Variants in KLHDC3 observed in about 807,000 individuals in gnomAD.
KLHDC3 encodes kelch domain-containing protein 3.
A neutral mutation model predicts 44.1 loss-of-function variants in KLHDC3; 5 were observed. The observed-to-expected ratio is 0.11, with a 90% CI of 0.06 to 0.24. The LOEUF is 0.24. Ranked by LOEUF, KLHDC3 falls within the 10% of genes least tolerant of loss-of-function variation. The pLI is 1.00. For missense variants in KLHDC3, 247 were observed against 514.3 expected, an observed-to-expected ratio of 0.48 and a Z score of 5.03; for synonymous variants, 170 against 189.0, an observed-to-expected ratio of 0.90 and a Z score of 0.82.
At chr6:43,014,737 C>T (rs1762519558) in intron 1 of KLHDC3, 2 of 389,954 alleles carry the variant, frequency 5.1e-6, no homozygotes, top group Admixed American at 2.7e-5. Context: ...ATTTTTCTTT[C>T]CTTAGTGGAG....
In KLHDC3 at chr6:43,014,721, A is replaced by G. The variant is rs1762519240; in HGVS notation, c.-60+373A>G. ...CAGAGAGGGGTATCGTGGTCAGTGC[A>G]TGCTAATTTTTCTTTCCTTAGTGGA... On this transcript the variant is annotated intron_variant, in intron 1 of 10. Coordinates refer to ENST00000326974, the MANE Select transcript of KLHDC3 (RefSeq NM_057161.4). 18 of 412,148 alleles carry G rather than the reference A, an allele frequency of 4.4e-5. 1 individual carries two copies. The highest frequency in any genetic ancestry group is 2.9e-4 in the South Asian group (17 of 59,496). 25.5% of individuals were successfully genotyped at this position (412,148 alleles called of 1,614,324 possible).
rs374957399 is a variant in KLHDC3 at position 43,018,513 on chromosome 6, C to T, written c.690C>T (p.Pro230=). The change falls in exon 6 of 11, where the codon CCC becomes CCT. Residue 230 remains proline, a synonymous_variant. Transcript: ENST00000326974. The surrounding 1 kb of genome is among the most constrained non-coding windows in gnomAD (Gnocchi z 6.0). ...GAACTGAGGCTTGGCTGGACTGTCC[C>T]CCGACTCCAGTGCTGCCTGAGGGGC... is the stretch of plus-strand genomic sequence containing the variant. ...DTRTEAWLDC[P]PTPVLPEGRR... 2.5e-6 allele frequency: 4 copies of T among 1,614,148 alleles called. No individual in the cohort carries two copies. The South Asian group carries it at 3.3e-5, about 13-fold the overall frequency.
rs1581877622 is a variant in KLHDC3 at position 43,017,927 on chromosome 6, C to T, written c.406C>T (p.Leu136=). ...CCGGGATGGACATTCAGCCTGTGTC[C>T]TAGGCAAGATCATGTACATTTTTGG... is the stretch of plus-strand genomic sequence containing the variant. ...GARDGHSACV[L]GKIMYIFGGY... The change falls in exon 4 of 11, where the codon CTA becomes TTA. Residue 136 remains leucine (L), a synonymous_variant. Transcript: ENST00000326974. The surrounding 1 kb of genome is among the most constrained non-coding windows in gnomAD (Gnocchi z 6.0). 6.2e-7 allele frequency: 1 copy of T among 1,614,032 alleles called. No homozygotes were observed. Among genetic ancestry groups the T allele is most frequent in the Admixed American group, 1.7e-5 (1 of 60,012 alleles).
chr6:43,015,773 C>G (rs1289645933), intron 1 of KLHDC3, among the ~76,000 whole-genome samples: 1 of 148,796 alleles, frequency 6.7e-6, no homozygotes, highest in African/African-American at 2.5e-5. Context: ...TCGCTTGAAC[C>G]CGGGAGGGAG....
chr6:43,015,551 T>A (rs1272858152), intron 1 of KLHDC3, among the ~76,000 whole-genome samples: 2 of 151,982 alleles, frequency 1.3e-5, no homozygotes, highest in African/African-American at 4.8e-5. Flanking sequence ...ACAGGTTGTG[T>A]TTAAGAGACC....
rs1308742992 is a variant in KLHDC3, at chr6:43,018,740, G to A, written c.820+21G>A. ...TCCTGGTAAAGAGCACTGCATTTAG[G>A]GCAGGAACAAGGAGCAATTGAGGTG... On this transcript the variant is annotated intron_variant, in intron 7 of 10. Coordinates refer to ENST00000326974, the MANE Select transcript of KLHDC3 (RefSeq NM_057161.4). This position sits in a 1 kb window ranked among gnomAD's most constrained non-coding sequence, Gnocchi z 6.0. 6.2e-7 allele frequency: 1 copy of A among 1,607,648 alleles called. No individual in the cohort carries two copies.
Position 43,020,712 on chromosome 6 carries a change from C to G in KLHDC3, c.1128C>G (p.Pro376=). 1.2e-6 allele frequency: 2 copies of G among 1,613,954 alleles called. No homozygotes were observed. The highest frequency in any genetic ancestry group is 1.7e-6 in the Non-Finnish European group (2 of 1,179,904). ...CCACCAACAGCAATATCAGTCGCCC[C>G]ATCGTCTCCTCCCATGGGTAGGAGG... The part of the protein sequence containing the change: ...AMTTNSNISR[P]IVSSHG The change falls in exon 11 of 11, where the codon CCC becomes CCG. Residue 376 remains proline, a synonymous_variant. Coordinates refer to ENST00000326974, the MANE Select transcript of KLHDC3 (RefSeq NM_057161.4).
rs1762640505 is a variant in KLHDC3 at position 43,019,165 on chromosome 6, A to C, written c.1003A>C (p.Ser335Arg). The change falls in exon 9 of 11, where the codon AGC (serine) becomes CGC (arginine). Residue 335 changes from serine (S) to arginine (R), a missense_variant and splice_region_variant. Ser to Arg is a moderately radical substitution (Grantham distance 110). Transcript: ENST00000326974. ...TTCTGACTTACACATTTTGGACTTT[A>C]GTAAGTATAGTTATTCCTGAATTGC... is the stretch of plus-strand genomic sequence containing the variant. Reference protein sequence around the residue: ...DHSDLHILDFSPSLKTLCKLA... With the variant: ...DHSDLHILDFRPSLKTLCKLA... 1 of 1,603,750 alleles carries C rather than the reference A, an allele frequency of 6.2e-7. No individual in the cohort carries two copies. Among genetic ancestry groups the C allele is most frequent in the South Asian group, 1.1e-5 (1 of 90,866 alleles).
At chr6:43,019,573 TACA>T (rs763911014) in intron 10 of KLHDC3, among the ~76,000 whole-genome samples, 3 of 152,036 alleles carry the variant, frequency 2.0e-5, no homozygotes, top group Admixed American at 6.6e-5. Context: ...GAAAAAAAAA[TACA>T]GCTCGGCAGC....
Position 43,020,838 on chromosome 6 carries a change from C to A in KLHDC3, c.*105C>A. On this transcript the variant is annotated 3_prime_UTR_variant, in exon 11 of 11. Transcript: ENST00000326974. ...TTGACCCCTGGACTTGGTATACCTC[C>A]ATGTGGAGTTGTTGGGCGAGAGGTG... The A allele has an allele frequency of 1.1e-6, 1 of 882,498 alleles. No individual in the cohort carries two copies. Among genetic ancestry groups the A allele is most frequent in the East Asian group, 2.5e-5 (1 of 40,132 alleles). The allele number at this position is 882,498 out of a possible 1,614,324, so 54.7% of individuals were successfully genotyped here.
Position 43,018,515 on chromosome 6 carries a change from C to T in KLHDC3, c.692C>T (p.Pro231Leu), listed in dbSNP as rs763964077. Reference protein sequence around the residue: ...TRTEAWLDCPPTPVLPEGRRS... With the variant: ...TRTEAWLDCPLTPVLPEGRRS... ...ACTGAGGCTTGGCTGGACTGTCCCC[C>T]GACTCCAGTGCTGCCTGAGGGGCGC... The change falls in exon 6 of 11, where the codon CCG becomes CTG. Residue 231 changes from proline (P) to leucine (L), a missense_variant. By Grantham distance (98) the Pro-to-Leu change is moderately conservative. Around this residue, in one of 2 missense-constraint regions of KLHDC3, gnomAD observed 176 missense variants for 413.5 expected, o/e 0.43. Coordinates refer to ENST00000326974, the MANE Select transcript of KLHDC3 (RefSeq NM_057161.4). This position sits in a 1 kb window ranked among gnomAD's most constrained non-coding sequence, Gnocchi z 6.0. 6 of 1,614,166 alleles carry T rather than the reference C, an allele frequency of 3.7e-6. No individual in the cohort carries two copies. Among genetic ancestry groups the T allele is most frequent in the East Asian group, 2.2e-5 (1 of 44,886 alleles).
rs778946421 is a variant in KLHDC3 at position 43,018,950 on chromosome 6, T to C, written c.908T>C (p.Ile303Thr). The change falls in exon 8 of 11, where the codon ATT (isoleucine) becomes ACT (threonine). Residue 303 changes from isoleucine to threonine, a missense_variant. Ile to Thr is a moderately conservative substitution (Grantham distance 89). Coordinates refer to ENST00000326974, the MANE Select transcript of KLHDC3 (RefSeq NM_057161.4). The surrounding 1 kb of genome is among the most constrained non-coding windows in gnomAD (Gnocchi z 6.0). ...TGCTGCTGTATTGTTGGTGACAAGA[T>C]TGTCCTCTTTGGGGGTACCAGGTTA... ...RQCCCIVGDK[I>T]VLFGGTSPSP... 3.7e-6 allele frequency: 6 copies of C among 1,611,988 alleles called. No individual in the cohort carries two copies. The highest frequency in any genetic ancestry group is 5.1e-6 in the Non-Finnish European group (6 of 1,178,710).
chr6:43,015,232 C>T lies in KLHDC3; in HGVS notation c.-60+884C>T, dbSNP rs148243846. On this transcript the variant is annotated intron_variant, in intron 1 of 10. Transcript: ENST00000326974. The stretch of plus-strand genomic sequence containing the variant: ...GTAATGAAGTGAGAGTAGCTTCCTG[C>T]TGGGGCTATTTCAGGATGGGTCCCA... 8.6e-4 allele frequency among the ~76,000 whole-genome samples: 131 copies of T among 151,996 alleles called. 1 individual carries two copies. In the Middle Eastern group the frequency reaches 0.01, roughly 12 times the overall value.
Position 43,018,604 on chromosome 6 carries a change from C to T in KLHDC3, c.734-29C>T. On this transcript the variant is annotated intron_variant, in intron 6 of 10. Coordinates refer to ENST00000326974, the MANE Select transcript of KLHDC3 (RefSeq NM_057161.4). This position sits in a 1 kb window ranked among gnomAD's most constrained non-coding sequence, Gnocchi z 6.0. The stretch of plus-strand genomic sequence containing the variant: ...TGGAGTTCCCTTCCTGCCCTCTTCA[C>T]ACTCCTGACACTTCCTCTCTCCTTC... The T allele has an allele frequency of 1.2e-6, 2 of 1,611,932 alleles. No homozygotes were observed. Among genetic ancestry groups the T allele is most frequent in the African/African-American group, 1.3e-5 (1 of 74,990 alleles).
At chr6:43,016,973 G>A (rs1581876436) in intron 1 of KLHDC3, 161 bp from the exon 2 acceptor site, 5 of 592,082 alleles carry the variant, frequency 8.4e-6, no homozygotes, top group Non-Finnish European at 1.5e-5. Flanking sequence ...CTCCCTTGGG[G>A]CAGGGCCAGC....
chr6:43,020,291 GGGTGAGGCATTCCT>G (rs1420698634), intron 10 of KLHDC3, among the ~76,000 whole-genome samples: 1 of 152,152 alleles, frequency 6.6e-6, no homozygotes, highest in African/African-American at 2.4e-5. Context: ...ATTCCTGGTG[GGGTGAGGCATTCCT>G]GGTGAGGGTA....
Position 43,017,047 on chromosome 6 carries a change from T to A in KLHDC3, c.-59-87T>A. 1.1e-6 allele frequency: 1 copy of A among 921,916 alleles called. No individual in the cohort carries two copies. The highest frequency in any genetic ancestry group is 2.2e-5 in the Admixed American group (1 of 44,810). The allele number at this position is 921,916 out of a possible 1,614,324, so 57.1% of individuals were successfully genotyped here. A position where few individuals can be genotyped will look rare whatever the true frequency, so the allele number is the denominator to read the frequency against. ...GTGGGAGGGCCCCCAGGGTGACACT[T>A]GGAGGCAAAGGCTGGTTCTGGGCAG... On this transcript the variant is annotated intron_variant, in intron 1 of 10. Coordinates refer to ENST00000326974, the MANE Select transcript of KLHDC3 (RefSeq NM_057161.4). The surrounding 1 kb of genome is among the most constrained non-coding windows in gnomAD (Gnocchi z 6.0).
At chr6:43,019,039 GGGTTTCGTGGGTA>G in intron 8 of KLHDC3, 40 bp from the exon 9 acceptor site, 1 of 1,567,628 alleles carries the variant, frequency 6.4e-7, no homozygotes, top group Non-Finnish European at 8.8e-7. Flanking sequence ...TTTGAAAAGG[GGGTTTCGTGGGTA>G]GTTTTTGTCC....
chr6:43,015,607 C>G (rs1268866362), intron 1 of KLHDC3, among the ~76,000 whole-genome samples: 5 of 151,818 alleles, frequency 3.3e-5, no homozygotes, highest in African/African-American at 1.2e-4. Context: ...CCCAGCACTT[C>G]AGGAGACCGA....
Sources: gnomAD v4.1 joint callset for allele counts (sites outside exome capture counted in the v4.1 genomes callset) on GRCh38, gnomAD v4.1.1 for gene constraint, gnomAD v4.1.1 regional missense constraint, Gnocchi (gnomAD v3.1) non-coding constraint, MANE v1.5 for transcripts, NCBI Gene and HGNC (gene_info 2026-07-23, HGNC 2026-07-21) for gene names.